The following UNC5C variants were observed in gnomAD, a reference collection of about 807,000 sequenced individuals.
The protein encoded by UNC5C is unc-5 netrin receptor C, also known as netrin receptor UNC5C.
In UNC5C, 47 loss-of-function variants were observed where a neutral mutation model predicts 99.8. The observed-to-expected ratio is 0.47, with a 90% CI of 0.37 to 0.60. The LOEUF is 0.60. Among genes scored for constraint, UNC5C ranks in the 20% least tolerant of loss-of-function variants. The pLI is 0.00. For synonymous variants in UNC5C, 487 were observed against 452.2 expected (o/e 1.08, Z -0.98); for missense variants, 1,062 against 1,165.9 (o/e 0.91, Z 1.30).
chr4:95,506,574 C>T (rs1040563760), intron 1 of UNC5C, among the ~76,000 whole-genome samples: 2 of 151,764 alleles, frequency 1.3e-5, no homozygotes, highest in African/African-American at 2.4e-5. Context: ...TTAAAAAAGT[C>T]GTCATGTTGA....
At chr4:95,202,472 A>C (rs1737715685) in intron 12 of UNC5C, among the ~76,000 whole-genome samples, 1 of 152,238 alleles carries the variant, frequency 6.6e-6, no homozygotes, top group Admixed American at 6.5e-5. Flanking sequence ...TCTCGTTGCC[A>C]AATTCTTCTA....
At position 95,163,486 on chromosome 4, in the gene UNC5C, AC is replaced by A. The variant is rs1735751918; in HGVS notation, c.*5747del. 6.6e-6 allele frequency: 1 copy of A among 152,218 alleles called. No individual in the cohort carries two copies. Among genetic ancestry groups the A allele is most frequent in the Non-Finnish European group, 1.5e-5 (1 of 68,058 alleles). The allele number at this position is 152,218 out of a possible 1,614,324, so 9.4% of individuals were successfully genotyped here. ...AAAACCTGCCTACAATTCATCTTCTACACACCAGTACTGAGGGTTATTCCAC... is the reference window on the plus strand; with the variant it reads ...AAAACCTGCCTACAATTCATCTTCTAACACCAGTACTGAGGGTTATTCCAC... On this transcript the variant is annotated 3_prime_UTR_variant, in exon 16 of 16. Transcript: ENST00000453304.
chr4:95,277,888 C>G (rs895964029), intron 4 of UNC5C, among the ~76,000 whole-genome samples: 6 of 152,174 alleles, frequency 3.9e-5, no homozygotes, highest in African/African-American at 1.4e-4. Context: ...GAAAAACACA[C>G]TCTCTTCTTA....
At chr4:95,290,416 C>T (rs1741401011) in intron 3 of UNC5C, among the ~76,000 whole-genome samples, 1 of 151,780 alleles carries the variant, frequency 6.6e-6, no homozygotes, top group African/African-American at 2.4e-5. Context: ...CAACTATATG[C>T]AGTTCCCTCT....
chr4:95,222,325 G>C, intron 7 of UNC5C: 3,696 of 790,232 alleles, frequency 4.7e-3, no homozygotes, highest in Non-Finnish European at 6.2e-3. Context: ...ATGAGGGAAA[G>C]AAAATAGGAA....
At chr4:95,312,706 G>A (rs1344713271) in intron 2 of UNC5C, among the ~76,000 whole-genome samples, 1 of 152,096 alleles carries the variant, frequency 6.6e-6, no homozygotes, top group Non-Finnish European at 1.5e-5. Flanking sequence ...TCAGAAAAGA[G>A]TTCCATGGTC....
At chr4:95,382,458 CAAAAAAA>C (rs11324926) in intron 1 of UNC5C, among the ~76,000 whole-genome samples, 1 of 135,962 alleles carries the variant, frequency 7.4e-6, no homozygotes, top group Non-Finnish European at 1.6e-5. Context: ...GACCGTCTGT[CAAAAAAA>C]AAAAAAAAGA....
chr4:95,185,316 T>A, intron 12 of UNC5C, 120 bp from the exon 13 acceptor site: 1 of 1,243,224 alleles, frequency 8.0e-7, no homozygotes. Flanking sequence ...GTGCAACACC[T>A]TGAACACCCA....
chr4:95,429,474 A>G (rs1192877190), intron 1 of UNC5C, among the ~76,000 whole-genome samples: 1 of 152,084 alleles, frequency 6.6e-6, no homozygotes, highest in African/African-American at 2.4e-5. Flanking sequence ...AGAAAATAAA[A>G]TCTAGTTGTT....
At chr4:95,255,481 C>T (rs1739938802) in intron 4 of UNC5C, among the ~76,000 whole-genome samples, 1 of 152,162 alleles carries the variant, frequency 6.6e-6, no homozygotes, top group Admixed American at 6.5e-5. Flanking sequence ...TCACTTTCAG[C>T]TGATGACCAA....
intron 1 of UNC5C, among the ~76,000 whole-genome samples, chr4:95,525,276 C>T (rs1381740183): frequency 6.6e-6 from 1 of 152,120 alleles, no homozygotes; most frequent in Non-Finnish European, 1.5e-5. Flanking sequence ...TAGGAATGCT[C>T]AAGTACTAAA....
Position 95,169,013 on chromosome 4 carries a change from A to G in UNC5C, c.*221T>C, listed in dbSNP as rs748869096. The stretch of plus-strand genomic sequence containing the variant: ...AAAATTAGGTTGATAGCTAAATTCA[A>G]GGTACAAATTTACACAATTTTTCTT... On this transcript the variant is annotated 3_prime_UTR_variant, in exon 16 of 16. Coordinates refer to ENST00000453304, the MANE Select transcript of UNC5C (RefSeq NM_003728.4). The G allele has an allele frequency of 1.3e-5, 7 of 542,346 alleles. No individual in the cohort carries two copies. The highest frequency in any genetic ancestry group is 3.8e-5 in the African/African-American group (2 of 53,238). 33.6% of individuals were successfully genotyped at this position (542,346 alleles called of 1,614,324 possible). A position where few individuals can be genotyped will look rare whatever the true frequency, so the allele number is the denominator to read the frequency against.
At chr4:95,448,518 A>C (rs1397184110) in intron 1 of UNC5C, among the ~76,000 whole-genome samples, 1 of 152,176 alleles carries the variant, frequency 6.6e-6, no homozygotes, top group African/African-American at 2.4e-5. Context: ...GATGGCACAT[A>C]ATGGATCGAG....
intron 1 of UNC5C, among the ~76,000 whole-genome samples, chr4:95,470,165 T>G (rs1053411388): frequency 6.6e-6 from 1 of 152,156 alleles, no homozygotes; most frequent in Non-Finnish European, 1.5e-5. Flanking sequence ...TATGTATGTA[T>G]ACTTTTTACA....
At chr4:95,483,222 C>T (rs938444790) in intron 1 of UNC5C, among the ~76,000 whole-genome samples, 1 of 151,608 alleles carries the variant, frequency 6.6e-6, no homozygotes, top group African/African-American at 2.4e-5. Context: ...AAATAATTCA[C>T]CCAGACTCCC....
chr4:95,470,024 C>T (rs1028817182), intron 1 of UNC5C, among the ~76,000 whole-genome samples: 10 of 152,092 alleles, frequency 6.6e-5, no homozygotes, highest in African/African-American at 9.6e-5. Context: ...TCTTTATGTT[C>T]GTTTACATTT....
intron 7 of UNC5C, among the ~76,000 whole-genome samples, chr4:95,239,956 C>T (rs1006042130): frequency 2.0e-5 from 3 of 152,126 alleles, no homozygotes; most frequent in Admixed American, 2.0e-4. Context: ...TTTCTCCTAT[C>T]TAGCAGTACA....
chr4:95,349,494 G>T (rs1743907776), intron 1 of UNC5C, among the ~76,000 whole-genome samples: 2 of 150,586 alleles, frequency 1.3e-5, no homozygotes. Context: ...AGGGCTTTAT[G>T]GGGGATTTTA....
At chr4:95,342,526 GC>G (rs1157356821) in intron 1 of UNC5C, among the ~76,000 whole-genome samples, 1 of 152,066 alleles carries the variant, frequency 6.6e-6, no homozygotes, top group Non-Finnish European at 1.5e-5. Context: ...GGCGGTACAT[GC>G]TGTGGTTCTG....
Sources: allele counts gnomAD v4.1 joint callset (sites outside exome capture counted in the v4.1 genomes callset), GRCh38; gene constraint gnomAD v4.1.1; transcripts MANE v1.5; gene names NCBI Gene and HGNC (gene_info 2026-07-23, HGNC 2026-07-21).